Variants in CDC37 observed in about 807,000 individuals in gnomAD.
CDC37 encodes the protein hsp90 co-chaperone Cdc37.
Under a neutral mutation model 46.9 loss-of-function variants are expected in CDC37, and 9 were observed. The ratio of observed to expected loss-of-function variants is 0.19; its 90% CI spans 0.12 to 0.33. The LOEUF is 0.33. CDC37 is among the 10% of genes least tolerant of loss of function. The pLI is 1.00. For synonymous variants in CDC37, 193 were observed against 191.0 expected (o/e 1.01, Z -0.09); for missense variants, 388 against 514.6 (o/e 0.75, Z 2.38).
chr19:10,395,896 T>G, intron 2 of CDC37, 32 bp downstream of exon 2: 1 of 1,599,210 alleles, frequency 6.3e-7, no homozygotes, highest in Non-Finnish European at 8.5e-7. Context: ...TGGCTGCGCA[T>G]GCGCACTGCC....
chr19:10,396,967 C>T lies in CDC37; in HGVS notation c.103-764G>A, dbSNP rs1478688583. On this transcript the variant is annotated intron_variant, in intron 1 of 7. Coordinates refer to ENST00000222005, the MANE Select transcript of CDC37 (RefSeq NM_007065.4). This position sits in a 1 kb window ranked among gnomAD's most constrained non-coding sequence, Gnocchi z 5.9. ...GAGCCCCCCACAGCTGACTCCATGG[C>T]ACCCGTGCCATCTGGGCTCCATGTT... Among the ~76,000 whole-genome samples the T allele has an allele frequency of 1.3e-5, 2 of 152,170 alleles. No homozygotes were observed. The highest frequency in any genetic ancestry group is 3.9e-4 in the East Asian group (2 of 5,188).
intron 1 of CDC37, among the ~76,000 whole-genome samples, chr19:10,399,081 C>G (rs928855837): frequency 6.6e-5 from 10 of 152,156 alleles, no homozygotes; most frequent in African/African-American, 2.4e-4. Context: ...GGTTCTAAGG[C>G]AGGGCCAGGC....
At chr19:10,403,262 A>G (rs1401014107) in intron 1 of CDC37, 116 bp downstream of exon 1, 24 of 753,204 alleles carry the variant, frequency 3.2e-5, no homozygotes. Context: ...CTGAAAATCC[A>G]GACTGGGGGG....
chr19:10,393,209 G>T lies in CDC37; in HGVS notation c.909+50C>A. On this transcript the variant is annotated intron_variant, in intron 6 of 7. Coordinates refer to ENST00000222005, the MANE Select transcript of CDC37 (RefSeq NM_007065.4). This position sits in a 1 kb window ranked among gnomAD's most constrained non-coding sequence, Gnocchi z 4.9. ...GGGGCTGGGTCCCTGTGGCCCTGGGGGGTCCCGCTCAGGGTCTTCCTGCTG... is the reference window on the plus strand; with the variant it reads ...GGGGCTGGGTCCCTGTGGCCCTGGGTGGTCCCGCTCAGGGTCTTCCTGCTG... 6 of 1,611,226 alleles carry T rather than the reference G, an allele frequency of 3.7e-6. No homozygotes were observed. Among genetic ancestry groups the T allele is most frequent in the Non-Finnish European group, 5.1e-6 (6 of 1,177,690 alleles).
At chr19:10,395,728 G>C (rs2042486339) in intron 2 of CDC37, 185 bp from the exon 3 acceptor site, 1 of 742,792 alleles carries the variant, frequency 1.3e-6, no homozygotes, top group Non-Finnish European at 2.2e-6. Flanking sequence ...GGACCGGTGG[G>C]GTGTTTCATC....
chr19:10,401,629 A>G (rs960804359), intron 1 of CDC37, among the ~76,000 whole-genome samples: 4 of 152,206 alleles, frequency 2.6e-5, no homozygotes, highest in Non-Finnish European at 1.5e-5. Context: ...CCCACACTCC[A>G]GTGGCTTGCT....
chr19:10,399,931 TAAAAAAAAA>T lies in CDC37; in HGVS notation c.102+3438_102+3446del, dbSNP rs56162717. Among the ~76,000 whole-genome samples, 83 of 48,324 alleles carry T rather than the reference TAAAAAAAAA, an allele frequency of 1.7e-3. 1 individual carries two copies. Among genetic ancestry groups the T allele is most frequent in the African/African-American group, 6.3e-3 (76 of 11,982 alleles). 31.7% of individuals were successfully genotyped at this position (48,324 alleles called of 152,430 possible). On this transcript the variant is annotated intron_variant, in intron 1 of 7. Transcript: ENST00000222005. The stretch of plus-strand genomic sequence containing the variant: ...TGGGCAACAGAGTGAGACTCCGTCT[TAAAAAAAAA>T]AAAAAAAAAAAAAAAAGCAGCTGTG...
chr19:10,396,252 C>A lies in CDC37; in HGVS notation c.103-49G>T. 1 of 1,572,792 alleles carries A rather than the reference C, an allele frequency of 6.4e-7. No individual in the cohort carries two copies. Among genetic ancestry groups the A allele is most frequent in the South Asian group, 1.2e-5 (1 of 85,422 alleles). ...ACTCTGGGGAGTCGTCTGTCCCTTA[C>A]CCCCGCCCCATACCCAATCCCTGCA... On this transcript the variant is annotated intron_variant, in intron 1 of 7. Transcript: ENST00000222005. This position sits in a 1 kb window ranked among gnomAD's most constrained non-coding sequence, Gnocchi z 5.9.
chr19:10,402,585 G>A (rs2042525525), intron 1 of CDC37, among the ~76,000 whole-genome samples: 1 of 152,110 alleles, frequency 6.6e-6, no homozygotes, highest in Admixed American at 6.6e-5. Flanking sequence ...AGGAGCAGGG[G>A]CTCTGGCTAG....
rs1480779006 is a variant in CDC37, at chr19:10,403,396, GAGA to G, written c.81_83del (p.Leu28del). 1 of 1,612,702 alleles carries G rather than the reference GAGA, an allele frequency of 6.2e-7. No individual in the cohort carries two copies. Among genetic ancestry groups the G allele is most frequent in the Non-Finnish European group, 8.5e-7 (1 of 1,179,760 alleles). Reference sequence around the variant, plus strand: ...GCCTTACCTGATGCCGCCAGCGGAAGAGACTGGCCGTGTCGATGTTGGGGTGCG... The same window carrying G: ...GCCTTACCTGATGCCGCCAGCGGAAGCTGGCCGTGTCGATGTTGGGGTGCG... On this transcript the variant is annotated inframe_deletion, in exon 1 of 8. Transcript: ENST00000222005.
rs558384153 is a variant in CDC37, at chr19:10,393,262, A to C, written c.906T>G (p.Pro302=). 6 of 1,612,754 alleles carry C rather than the reference A, an allele frequency of 3.7e-6. No homozygotes were observed. In the Admixed American group the frequency reaches 5.0e-5, roughly 13 times the overall value. The change falls in exon 6 of 8, where the codon CCT becomes CCG. Residue 302 remains proline, a synonymous_variant. Transcript: ENST00000222005. The surrounding 1 kb of genome is among the most constrained non-coding windows in gnomAD (Gnocchi z 4.9). ...CGCCTGGGCCGGGGAGCCCCACCTCAGGGAGGGACTCGTAGACCTCGACGG... is the reference window on the plus strand; with the variant it reads ...CGCCTGGGCCGGGGAGCCCCACCTCCGGGAGGGACTCGTAGACCTCGACGG... ...LDPVEVYESL[P]EELQKCFDVK...
At position 10,399,864 on chromosome 19, in the gene CDC37, G is replaced by A. The variant is rs569594501; in HGVS notation, c.102+3514C>T. Among the ~76,000 whole-genome samples, 577 of 148,512 alleles carry A rather than the reference G, an allele frequency of 3.9e-3. 3 individuals carry two copies. The highest frequency in any genetic ancestry group is 0.014 in the African/African-American group (545 of 40,244). ...GGAGAATTGCTTGAACCTGGGAGGT[G>A]GAGGTTACAGTGAGCCGAGATGGCA... On this transcript the variant is annotated intron_variant, in intron 1 of 7. Transcript: ENST00000222005.
intron 1 of CDC37, 34 bp downstream of exon 1, chr19:10,403,344 G>A (rs2145422650): frequency 2.6e-6 from 4 of 1,530,902 alleles, no homozygotes; most frequent in South Asian, 2.3e-5. Flanking sequence ...GCGGGGTCCG[G>A]GAGTGGGGAA....
rs1057482 is a variant in CDC37 at position 10,391,403 on chromosome 19, G to A, written c.*148C>T. ...GGCGCTGGAGAGTGGAGACAGTGGA[G>A]AGGCCAGGGAGGGCTGGGCGGGCCC... On this transcript the variant is annotated 3_prime_UTR_variant, in exon 8 of 8. Transcript: ENST00000222005. 1 of 871,694 alleles carries A rather than the reference G, an allele frequency of 1.1e-6. No homozygotes were observed. The highest frequency in any genetic ancestry group is 2.4e-5 in the East Asian group (1 of 41,266). The allele number at this position is 871,694 out of a possible 1,614,324, so 54.0% of individuals were successfully genotyped here. A position where few individuals can be genotyped will look rare whatever the true frequency, so the allele number is the denominator to read the frequency against.
At chr19:10,399,464 A>AG (rs1491192627) in intron 1 of CDC37, among the ~76,000 whole-genome samples, 1 of 77,020 alleles carries the variant, frequency 1.3e-5, no homozygotes, top group Non-Finnish European at 2.8e-5. Context: ...ACCCTGTCTG[A>AG]AAAAAAAAAA....
intron 7 of CDC37, 92 bp from the exon 8 acceptor site, chr19:10,391,798 C>T: frequency 7.6e-7 from 1 of 1,322,692 alleles, no homozygotes; most frequent in Non-Finnish European, 1.1e-6. Context: ...AGCTGGCTTC[C>T]TGCCTATTGA....
rs775595344 is a variant in CDC37, at chr19:10,391,642, C to T, written c.1046G>A (p.Ser349Asn). The T allele has an allele frequency of 2.5e-6, 4 of 1,614,076 alleles. No homozygotes were observed. The highest frequency in any genetic ancestry group is 1.7e-5 in the Admixed American group (1 of 60,004). ...TGCCTCCTCTCCCTCCTTGGCCTCG[C>T]TGGCCTTAGAGTTGGGGACCCAGAG... The part of the protein sequence containing the change: ...SGLWVPNSKA[S>N]EAKEGEEAGP... The change falls in exon 8 of 8, where the codon AGC becomes AAC. Residue 349 changes from serine (S) to asparagine (N), a missense_variant. Ser to Asn is a conservative substitution (Grantham distance 46). Transcript: ENST00000222005.
intron 2 of CDC37, 24 bp downstream of exon 2, chr19:10,395,904 G>GAC: frequency 6.5e-7 from 1 of 1,541,894 alleles, no homozygotes; most frequent in East Asian, 2.3e-5. Context: ...CATGCGCACT[G>GAC]CCCGCCCCGC....
At position 10,393,143 on chromosome 19, in the gene CDC37, G is replaced by A; in HGVS notation, c.924C>T (p.Cys308=). 5 of 1,613,944 alleles carry A rather than the reference G, an allele frequency of 3.1e-6. No homozygotes were observed. Among genetic ancestry groups the A allele is most frequent in the African/African-American group, 1.3e-5 (1 of 74,894 alleles). ...YESLPEELQK[C]FDVKDVQMLQ... is the part of the protein sequence containing the mutation. ...GCATCTGCACGTCCTTCACATCGAA[G>A]CACTTCTGGAGTTCCTGGGGGTACA... Residue 308 remains cysteine, a synonymous_variant, in exon 7 of 8, where the codon TGC becomes TGT. Transcript: ENST00000222005. This position sits in a 1 kb window ranked among gnomAD's most constrained non-coding sequence, Gnocchi z 4.9.
Sources: gnomAD v4.1 joint callset for allele counts (sites outside exome capture counted in the v4.1 genomes callset) on GRCh38, gnomAD v4.1.1 for gene constraint, Gnocchi (gnomAD v3.1) non-coding constraint, MANE v1.5 for transcripts, NCBI Gene and HGNC (gene_info 2026-07-23, HGNC 2026-07-21) for gene names.